The following CCNY variants were observed in gnomAD, a reference collection of about 807,000 sequenced individuals.
The protein encoded by CCNY is cyclin Y, also known as cyclin-Y.
In CCNY, 19 loss-of-function variants were observed where a neutral mutation model predicts 42.8. That is an observed-to-expected ratio of 0.44 (90% CI 0.31 to 0.65). The LOEUF (loss-of-function observed/expected upper bound fraction) is 0.65, where lower values mean the gene tolerates loss of function less well. Ranked by LOEUF, CCNY falls within the 30% of genes least tolerant of loss-of-function variation. CCNY has a pLI of 0.07. For synonymous variants in CCNY, 165 were observed against 162.7 expected (o/e 1.01, Z -0.11); for missense variants, 370 against 437.3 (o/e 0.85, Z 1.37).
At chr10:35,313,909 G>C (rs1304167188) in intron 3 of CCNY, among the ~76,000 whole-genome samples, 9 of 150,252 alleles carry the variant, frequency 6.0e-5, no homozygotes, top group Non-Finnish European at 1.0e-4. Context: ...CTGGGAGGCG[G>C]AGGTTGCAGT....
At chr10:35,515,293 C>T (rs900636991) in intron 3 of CCNY, among the ~76,000 whole-genome samples, 1 of 152,092 alleles carries the variant, frequency 6.6e-6, no homozygotes, top group African/African-American at 2.4e-5. Flanking sequence ...TTCAGCAGCG[C>T]AGTGCTAACT....
chr10:35,253,414 A>ATTTTTT (rs61405875), intron 3 of CCNY, among the ~76,000 whole-genome samples: 2 of 89,034 alleles, frequency 2.2e-5, no homozygotes, highest in Non-Finnish European at 4.3e-5. Flanking sequence ...CATGCTCACT[A>ATTTTTT]TTTTTTTTTT....
chr10:35,501,452 G>A (rs1298432076), intron 2 of CCNY, 49 bp from the exon 3 acceptor site: 4 of 1,551,846 alleles, frequency 2.6e-6, no homozygotes, highest in East Asian at 2.2e-5. Flanking sequence ...CCTGCCAGGG[G>A]TTGGCATGCA....
intron 1 of CCNY, among the ~76,000 whole-genome samples, chr10:35,476,883 C>A (rs1839524365): frequency 6.6e-6 from 1 of 152,054 alleles, no homozygotes; most frequent in Non-Finnish European, 1.5e-5. Flanking sequence ...AATTGATAGA[C>A]CACTAGCAAG....
intron 3 of CCNY, among the ~76,000 whole-genome samples, chr10:35,301,612 C>G (rs1835534464): frequency 1.3e-5 from 2 of 152,048 alleles, no homozygotes; most frequent in Non-Finnish European, 2.9e-5. Flanking sequence ...TATTGGAAGC[C>G]TGTTTTCATC....
At chr10:35,261,920 C>T (rs1442283217) in intron 3 of CCNY, among the ~76,000 whole-genome samples, 2 of 151,934 alleles carry the variant, frequency 1.3e-5, no homozygotes, top group Middle Eastern at 3.4e-3. Context: ...ACTTGGGAGG[C>T]TAAGGCAAGA....
intron 3 of CCNY, among the ~76,000 whole-genome samples, chr10:35,509,596 A>G (rs934446194): frequency 3.3e-5 from 5 of 151,994 alleles, no homozygotes; most frequent in African/African-American, 4.8e-5. Flanking sequence ...TTTTCTTTCT[A>G]TGGAACATTA....
rs1261909516 is a variant in CCNY, at chr10:35,544,083, TAA to T, written c.580-8935_580-8934del. On this transcript the variant is annotated intron_variant, in intron 7 of 9. Coordinates refer to ENST00000374704, the MANE Select transcript of CCNY (RefSeq NM_145012.6). ...TAAAGTTTATAAAGTTATAGTAAGC[TAA>T]GTTTAATTTATTATTACAGAAAATC... 2.6e-5 allele frequency among the ~76,000 whole-genome samples: 4 copies of T among 152,358 alleles called. No individual in the cohort carries two copies. In the East Asian group the frequency reaches 5.8e-4, roughly 22 times the overall value.
At chr10:35,460,233 C>G (rs1010518316) in intron 1 of CCNY, among the ~76,000 whole-genome samples, 5 of 152,200 alleles carry the variant, frequency 3.3e-5, no homozygotes, top group Non-Finnish European at 7.3e-5. Flanking sequence ...TAAAAAATCT[C>G]TCTCTCTCGT....
intron 1 of CCNY, among the ~76,000 whole-genome samples, chr10:35,431,088 G>C (rs949337449): frequency 2.0e-5 from 3 of 151,120 alleles, no homozygotes; most frequent in African/African-American, 7.3e-5. Context: ...CTGCACTCCA[G>C]GCTGGTGACA....
upstream of CCNY, among the ~76,000 whole-genome samples, chr10:35,335,523 G>T (rs1836003400): frequency 6.6e-6 from 1 of 151,742 alleles, no homozygotes; most frequent in Non-Finnish European, 1.5e-5. Flanking sequence ...AAATACAATA[G>T]AAAACTCCCA....
Position 35,348,210 on chromosome 10 carries a change from AGTT to A in CCNY, c.154+11007_154+11009del, listed in dbSNP as rs1312658142. 2.0e-5 allele frequency among the ~76,000 whole-genome samples: 3 copies of A among 152,200 alleles called. No individual in the cohort carries two copies. The East Asian group carries it at 5.8e-4, about 29-fold the overall frequency. ...AAGCTGATGTTATTGAAGAGTTACA[AGTT>A]GTTTATTCACTCTAATGTTAGCAAA... On this transcript the variant is annotated intron_variant, in intron 1 of 9. Transcript: ENST00000374704.
chr10:35,390,841 A>G (rs1017750290), intron 1 of CCNY, among the ~76,000 whole-genome samples: 2 of 152,218 alleles, frequency 1.3e-5, no homozygotes, highest in African/African-American at 4.8e-5. Flanking sequence ...AATGCTCAAG[A>G]TACATAACAT....
chr10:35,307,806 A>G (rs1210805151), intron 3 of CCNY, among the ~76,000 whole-genome samples: 30 of 57,218 alleles, frequency 5.2e-4, no homozygotes, highest in South Asian at 1.7e-3. Context: ...GTGTGTATAT[A>G]TATATATATA....
chr10:35,410,661 C>G (rs1349732047), intron 1 of CCNY, among the ~76,000 whole-genome samples: 1 of 152,196 alleles, frequency 6.6e-6, no homozygotes, highest in Non-Finnish European at 1.5e-5. Context: ...AGCTAACTAA[C>G]TAAAAGCAAG....
rs146800792 is a variant in CCNY, at chr10:35,570,370, A to G, written c.*1200A>G. On this transcript the variant is annotated 3_prime_UTR_variant, in exon 10 of 10. Transcript: ENST00000374704. The stretch of plus-strand genomic sequence containing the variant: ...GCATTTTCATTGTGGGTGCTTAGAG[A>G]AGTTCTACAAAATTCAAACTGTGAA... 1,158 of 152,412 alleles carry G rather than the reference A, an allele frequency of 7.6e-3. 13 individuals carry two copies. Among genetic ancestry groups the G allele is most frequent in the African/African-American group, 0.027 (1,108 of 41,550 alleles). 9.4% of individuals were successfully genotyped at this position (152,412 alleles called of 1,614,324 possible).
intron 1 of CCNY, among the ~76,000 whole-genome samples, chr10:35,391,647 G>A (rs1261679655): frequency 6.6e-6 from 1 of 152,172 alleles, no homozygotes; most frequent in Non-Finnish European, 1.5e-5. Flanking sequence ...CATTACCCTA[G>A]TTTTTAGTCT....
chr10:35,572,117 G>A lies in CCNY; in HGVS notation c.*2947G>A, dbSNP rs1180705993. 6.6e-6 allele frequency: 1 copy of A among 152,000 alleles called. No homozygotes were observed. The highest frequency in any genetic ancestry group is 2.4e-5 in the African/African-American group (1 of 41,362). 9.4% of individuals were successfully genotyped at this position (152,000 alleles called of 1,614,324 possible). ...GCACCTGTACCTGCCTCCTCTTCTG[G>A]GCTGGCTTTCCTGTCTGCCTGCTCT... On this transcript the variant is annotated 3_prime_UTR_variant, in exon 10 of 10. Coordinates refer to ENST00000374704, the MANE Select transcript of CCNY (RefSeq NM_145012.6).
chr10:35,297,102 C>T (rs925849814), intron 3 of CCNY, among the ~76,000 whole-genome samples: 1 of 151,472 alleles, frequency 6.6e-6, no homozygotes, highest in Non-Finnish European at 1.5e-5. Flanking sequence ...GCGAATCCAC[C>T]GTGATTGAGT....
Sources: allele counts gnomAD v4.1 joint callset (sites outside exome capture counted in the v4.1 genomes callset), GRCh38; gene constraint gnomAD v4.1.1; transcripts MANE v1.5; gene names NCBI Gene and HGNC (gene_info 2026-07-23, HGNC 2026-07-21).